DNAH12: variants seen among roughly 807,000 people sequenced by gnomAD.
DNAH12 encodes dynein axonemal heavy chain 12, also known as axonemal beta dynein heavy chain 12.
DNAH12 carries 285 observed loss-of-function variants against 371.5 expected under a neutral mutation model. The observed-to-expected ratio is 0.77, with a 90% confidence interval of 0.70 to 0.85. The LOEUF (loss-of-function observed/expected upper bound fraction) is 0.85. DNAH12 is among the 40% of genes least tolerant of loss of function. The probability of loss-of-function intolerance (pLI) is 0.00; values close to 1 mark genes in which losing one functional copy is unlikely to be tolerated. For synonymous variants in DNAH12, 1,200 were observed against 1,213.0 expected, an observed-to-expected ratio of 0.99 and a Z score of 0.22; for missense variants, 3,611 against 3,689.4, an observed-to-expected ratio of 0.98 and a Z score of 0.55.
chr3:57,370,532 T>TGGTTG (rs2063149089), intron 55 of DNAH12, among the ~76,000 whole-genome samples: 3 of 152,198 alleles, frequency 2.0e-5, no homozygotes, highest in Non-Finnish European at 4.4e-5. Context: ...CACAATATTA[T>TGGTTG]AAACAGACAA....
chr3:57,411,174 T>C (rs1164787445), intron 39 of DNAH12, among the ~76,000 whole-genome samples: 2 of 152,186 alleles, frequency 1.3e-5, no homozygotes, highest in African/African-American at 4.8e-5. Flanking sequence ...AGAGTTACCA[T>C]GTAAAATTCA....
Position 57,436,951 on chromosome 3 carries a change from C to T in DNAH12, c.4655G>A (p.Gly1552Asp). The change falls in exon 30 of 74, where the codon GGT becomes GAT. Residue 1552 changes from glycine (G) to aspartate (D), a missense_variant and splice_region_variant. Gly to Asp is a moderately conservative substitution (Grantham distance 94). Around this residue, in one of 3 missense-constraint regions of DNAH12, gnomAD observed 2,266 missense variants for 2,236.9 expected, o/e 1.01. Coordinates refer to ENST00000495027, the MANE Select transcript of DNAH12 (RefSeq NM_001366028.2). Reference protein sequence around the residue: ...QTYEMMIVRHGFMLVGEPFAA... With the variant: ...QTYEMMIVRHDFMLVGEPFAA... ...TAACTATAGCAATATATAATCTTAC[C>T]CATGTCTAACAATCATCATTTCATA... 1 of 1,428,892 alleles carries T rather than the reference C, an allele frequency of 7.0e-7. No homozygotes were observed. Among genetic ancestry groups the T allele is most frequent in the South Asian group, 1.5e-5 (1 of 68,874 alleles). The allele number at this position is 1,428,892 out of a possible 1,614,324, so 88.5% of individuals were successfully genotyped here.
chr3:57,416,896 T>C (rs556251821), intron 37 of DNAH12, among the ~76,000 whole-genome samples: 2 of 152,250 alleles, frequency 1.3e-5, no homozygotes, highest in Non-Finnish European at 2.9e-5. Flanking sequence ...GTTTGAGAAA[T>C]GCTGCATTAA....
chr3:57,539,699 C>T (rs1342118322), intron 2 of DNAH12, among the ~76,000 whole-genome samples: 1 of 151,078 alleles, frequency 6.6e-6, no homozygotes, highest in African/African-American at 2.4e-5. Context: ...CTGCAACCTC[C>T]GCCTCCCAGG....
intron 49 of DNAH12, among the ~76,000 whole-genome samples, 158 bp from the exon 50 acceptor site, chr3:57,382,551 G>T (rs960269536): frequency 6.7e-6 from 1 of 149,422 alleles, no homozygotes; most frequent in East Asian, 2.0e-4. Flanking sequence ...GGTTATGAAA[G>T]AATTAACAAA....
intron 27 of DNAH12, among the ~76,000 whole-genome samples, chr3:57,445,685 G>C (rs1442367424): frequency 8.2e-6 from 1 of 121,802 alleles, no homozygotes; most frequent in Non-Finnish European, 1.9e-5. Flanking sequence ...TTTAATTCAC[G>C]AACTTACACT....
chr3:57,413,717 C>T (rs1575567440), intron 39 of DNAH12, 29 bp downstream of exon 39: 1 of 1,540,046 alleles, frequency 6.5e-7, no homozygotes, highest in African/African-American at 1.4e-5. Context: ...GGTATAACTT[C>T]AGCATAACTT....
intron 62 of DNAH12, among the ~76,000 whole-genome samples, chr3:57,325,521 C>T (rs9790117): frequency 0.32 from 48,882 of 152,020 alleles, 8,698 homozygotes; most frequent in African/African-American, 0.46. Context: ...TCCTGTCTGT[C>T]AGAAGGAAAA....
At chr3:57,482,364 A>G (rs1343884469) in intron 13 of DNAH12, among the ~76,000 whole-genome samples, 1 of 152,186 alleles carries the variant, frequency 6.6e-6, no homozygotes, top group Non-Finnish European at 1.5e-5. Flanking sequence ...AATCAAAACC[A>G]CAATGAGATA....
intron 15 of DNAH12, among the ~76,000 whole-genome samples, 183 bp downstream of exon 15, chr3:57,471,289 A>G (rs900525076): frequency 6.7e-6 from 1 of 150,148 alleles, no homozygotes; most frequent in African/African-American, 2.4e-5. Context: ...ATACATATTT[A>G]TGTATTTTAC....
chr3:57,537,486 A>G (rs748034281), intron 2 of DNAH12, among the ~76,000 whole-genome samples: 1 of 151,650 alleles, frequency 6.6e-6, no homozygotes, highest in Non-Finnish European at 1.5e-5. Context: ...TTTACATCCT[A>G]CCTCACCCCA....
At chr3:57,503,946 A>T in intron 9 of DNAH12, 70 bp downstream of exon 9, 1 of 1,173,264 alleles carries the variant, frequency 8.5e-7, no homozygotes, top group Non-Finnish European at 1.2e-6. Context: ...CATTGTATGT[A>T]CACATACACT....
intron 62 of DNAH12, among the ~76,000 whole-genome samples, chr3:57,324,886 T>C (rs1196196981): frequency 3.3e-5 from 5 of 152,156 alleles, no homozygotes; most frequent in East Asian, 3.9e-4. Flanking sequence ...GCTTTTCCGA[T>C]GGGCTTAAAA....
At chr3:57,495,369 G>A (rs1215355590) in intron 11 of DNAH12, among the ~76,000 whole-genome samples, 1 of 151,552 alleles carries the variant, frequency 6.6e-6, no homozygotes, top group Non-Finnish European at 1.5e-5. Context: ...GACCAGCATG[G>A]CCAACAGGTT....
In DNAH12 at chr3:57,461,649, G is replaced by T; in HGVS notation, c.2576C>A (p.Thr859Asn). The T allele has an allele frequency of 6.4e-7, 1 of 1,551,038 alleles. No individual in the cohort carries two copies. The highest frequency in any genetic ancestry group is 8.7e-7 in the Non-Finnish European group (1 of 1,146,798). Reference sequence around the variant, plus strand: ...TATATGAAAAGCAATATCTTCCCAAGTTCCTATCATTGTATTCATGGCTTT... The same window carrying T: ...TATATGAAAAGCAATATCTTCCCAATTTCCTATCATTGTATTCATGGCTTT... ...LEKAMNTMIG[T>N]WEDIAFHISL... The change falls in exon 19 of 74, where the codon ACT (threonine) becomes AAT (asparagine). Residue 859 changes from threonine to asparagine, a missense_variant. Transcript: ENST00000495027.
chr3:57,445,998 T>G, intron 27 of DNAH12, 33 bp downstream of exon 27: 1 of 538,642 alleles, frequency 1.9e-6, no homozygotes, highest in Non-Finnish European at 2.5e-6. Context: ...AAACATAAAA[T>G]AAATAAATAA....
intron 42 of DNAH12, among the ~76,000 whole-genome samples, chr3:57,404,568 A>C (rs1211265548): frequency 6.6e-6 from 1 of 151,960 alleles, no homozygotes; most frequent in Non-Finnish European, 1.5e-5. Context: ...ATACAAAAAA[A>C]AATTAGCCAG....
At chr3:57,320,305 C>T (rs570280858) in intron 65 of DNAH12, among the ~76,000 whole-genome samples, 1 of 152,226 alleles carries the variant, frequency 6.6e-6, no homozygotes, top group East Asian at 1.9e-4. Context: ...GAATGTCTTG[C>T]ACCTAGTAGG....
intron 44 of DNAH12, among the ~76,000 whole-genome samples, chr3:57,393,427 A>G (rs1200123547): frequency 6.6e-6 from 1 of 151,986 alleles, no homozygotes; most frequent in Admixed American, 6.6e-5. Context: ...GAAGATTGAG[A>G]CCATCGTGGC....
Sources: allele counts gnomAD v4.1 joint callset (sites outside exome capture counted in the v4.1 genomes callset), GRCh38; gene constraint gnomAD v4.1.1; regional missense constraint gnomAD v4.1.1; transcripts MANE v1.5; gene names NCBI Gene and HGNC (gene_info 2026-07-23, HGNC 2026-07-21).